The following SPECC1L variants were observed in gnomAD, a reference collection of about 807,000 sequenced individuals.
SPECC1L encodes the protein sperm antigen with calponin homology and coiled-coil domains 1 like.
Under a neutral mutation model 116.8 loss-of-function variants are expected in SPECC1L, and 40 were observed. The observed-to-expected ratio is 0.34, with a 90% confidence interval of 0.27 to 0.45. SPECC1L has a LOEUF of 0.45. Among genes scored for constraint, SPECC1L ranks in the 20% least tolerant of loss-of-function variants. The probability of loss-of-function intolerance (pLI) is 1.00; values close to 1 mark genes in which losing one functional copy is unlikely to be tolerated. For synonymous variants in SPECC1L, 504 were observed against 500.6 expected (o/e 1.01, Z -0.09); for missense variants, 1,110 against 1,373.6 (o/e 0.81, Z 3.03).
At chr22:24,312,122 C>T (rs1291987161) in intron 3 of SPECC1L, among the ~76,000 whole-genome samples, 12 of 152,124 alleles carry the variant, frequency 7.9e-5, no homozygotes, top group Admixed American at 5.9e-4. Context: ...GCATGTGCCA[C>T]TTTGCCCAGG....
chr22:24,366,468 C>T (rs956155390), intron 13 of SPECC1L, among the ~76,000 whole-genome samples: 4 of 152,178 alleles, frequency 2.6e-5, no homozygotes, highest in East Asian at 1.9e-4. Flanking sequence ...GCTGGGATTA[C>T]AGGTGTGAGC....
chr22:24,404,093 C>T (rs2042534960), intron 14 of SPECC1L, among the ~76,000 whole-genome samples: 1 of 152,198 alleles, frequency 6.6e-6, no homozygotes, highest in Non-Finnish European at 1.5e-5. Context: ...GCTGCATTGA[C>T]CACTCTGTCC....
intron 3 of SPECC1L, among the ~76,000 whole-genome samples, chr22:24,309,695 G>A (rs7291875): frequency 6.6e-6 from 1 of 152,110 alleles, no homozygotes; most frequent in Non-Finnish European, 1.5e-5. Context: ...CACTGCAACC[G>A]GCCTGAAGTT....
At chr22:24,392,872 T>G (rs956441154) in intron 14 of SPECC1L, among the ~76,000 whole-genome samples, 2 of 152,224 alleles carry the variant, frequency 1.3e-5, no homozygotes, top group African/African-American at 4.8e-5. Flanking sequence ...GCTCCCTCCC[T>G]TACAGGTCTG....
intron 3 of SPECC1L, among the ~76,000 whole-genome samples, chr22:24,307,245 A>G (rs1427502457): frequency 1.3e-5 from 2 of 152,222 alleles, no homozygotes; most frequent in African/African-American, 4.8e-5. Context: ...TCTCGCTGCT[A>G]GCAGCTACAC....
At chr22:24,360,169 C>G (rs992966454) in intron 11 of SPECC1L, among the ~76,000 whole-genome samples, 2 of 152,220 alleles carry the variant, frequency 1.3e-5, no homozygotes, top group Non-Finnish European at 2.9e-5. Flanking sequence ...CTGCTACACT[C>G]AATTGTAATA....
intron 3 of SPECC1L, among the ~76,000 whole-genome samples, chr22:24,312,218 C>G (rs1034230302): frequency 6.6e-6 from 1 of 152,148 alleles, no homozygotes; most frequent in African/African-American, 2.4e-5. Context: ...AGTGATCCAC[C>G]TCGGCCTCCC....
chr22:24,322,346 T>TTGGAACACTTTAGTCGACAGATCTAG lies in SPECC1L; in HGVS notation c.1388_1389insCTAGTGGAACACTTTAGTCGACAGAT (p.Glu464Ter). The TTGGAACACTTTAGTCGACAGATCTAG allele has an allele frequency of 1.2e-6, 2 of 1,614,180 alleles. No homozygotes were observed. The highest frequency in any genetic ancestry group is 1.7e-6 in the Non-Finnish European group (2 of 1,180,042). ...GTCTTTATGTCAGCAGAGCGATAAG[T>TTGGAACACTTTAGTCGACAGATCTAG]TGGAACACTTTAGTCGACAGATTGA... is the stretch of plus-strand genomic sequence containing the variant. On this transcript the variant is annotated stop_gained and frameshift_variant, in exon 5 of 17. Coordinates refer to ENST00000314328, the MANE Select transcript of SPECC1L (RefSeq NM_015330.6). LOFTEE classifies it high-confidence loss of function.
chr22:24,298,827 C>T (rs572353307), intron 2 of SPECC1L, among the ~76,000 whole-genome samples: 2 of 152,294 alleles, frequency 1.3e-5, no homozygotes, highest in South Asian at 4.1e-4. Flanking sequence ...CTGAATAAAA[C>T]GTTAATTTCA....
rs1226285948 is a variant in SPECC1L at position 24,354,183 on chromosome 22, CTA to C, written c.2743+7008_2743+7009del. Among the ~76,000 whole-genome samples the C allele has an allele frequency of 2.0e-5, 3 of 152,106 alleles. No individual in the cohort carries two copies. In the East Asian group the frequency reaches 5.8e-4, roughly 29 times the overall value. On this transcript the variant is annotated intron_variant, in intron 11 of 16. Transcript: ENST00000314328. ...TCTGCTCCTATGACCCGGGTACCTC[CTA>C]CCAGGCCCACCTCCAACACTGGGGC...
chr22:24,383,832 T>TTTTA (rs2042110807), intron 14 of SPECC1L, among the ~76,000 whole-genome samples: 1 of 104,376 alleles, frequency 9.6e-6, no homozygotes, highest in African/African-American at 3.7e-5. Flanking sequence ...TTTTTTTTTT[T>TTTTA]AGTAGAGATG....
At chr22:24,397,030 TAA>T (rs991368593) in intron 14 of SPECC1L, among the ~76,000 whole-genome samples, 2 of 152,180 alleles carry the variant, frequency 1.3e-5, no homozygotes, top group African/African-American at 4.8e-5. Flanking sequence ...TGGTCCAAAG[TAA>T]AGTGTTTTAT....
In SPECC1L at chr22:24,302,309, T is replaced by G; in HGVS notation, c.78T>G (p.Ile26Met). ...GTAAAACGCAAACAGCAGAAAAAAT[T>G]AAACCTGAAAACAGCTCTTCAGCAT... ...AISKTQTAEK[I>M]KPENSSSAST... The change falls in exon 3 of 17, where the codon ATT becomes ATG. Residue 26 changes from isoleucine to methionine, a missense_variant. By Grantham distance (10) the Ile-to-Met change is conservative. This residue lies in a region of SPECC1L where 437 missense variants were observed against 482.6 expected (regional missense o/e 0.91). Transcript: ENST00000314328. The G allele has an allele frequency of 4.3e-6, 7 of 1,614,144 alleles. No homozygotes were observed. Among genetic ancestry groups the G allele is most frequent in the Non-Finnish European group, 5.9e-6 (7 of 1,180,016 alleles).
intron 10 of SPECC1L, 143 bp downstream of exon 10, chr22:24,338,620 C>T: frequency 1.5e-6 from 1 of 645,958 alleles, no homozygotes. Flanking sequence ...TCCTAAAATA[C>T]TATAAATATC....
At chr22:24,381,095 TGGA>T (rs1190489726) in intron 14 of SPECC1L, among the ~76,000 whole-genome samples, 1 of 152,182 alleles carries the variant, frequency 6.6e-6, no homozygotes, top group African/African-American at 2.4e-5. Flanking sequence ...AATAACCAAC[TGGA>T]ATAGGGAAAG....
At chr22:24,300,356 C>T (rs2049353055) in intron 2 of SPECC1L, among the ~76,000 whole-genome samples, 1 of 152,198 alleles carries the variant, frequency 6.6e-6, no homozygotes, top group Admixed American at 6.5e-5. Context: ...ATATGTACCA[C>T]ATTTTCTTCA....
intron 14 of SPECC1L, among the ~76,000 whole-genome samples, chr22:24,382,704 CAAAAAAAAAAAAA>C (rs34174849): frequency 2.0e-4 from 12 of 59,658 alleles, no homozygotes; most frequent in Non-Finnish European, 2.8e-4. Flanking sequence ...GACTCCATCT[CAAAAAAAAAAAAA>C]AAAAAAAAAG....
intron 3 of SPECC1L, among the ~76,000 whole-genome samples, chr22:24,307,374 T>A (rs2146422765): frequency 6.6e-6 from 1 of 152,314 alleles, no homozygotes; most frequent in African/African-American, 2.4e-5. Context: ...TTGCACTGAT[T>A]TGTGGTTCTT....
At chr22:24,290,013 C>T (rs1465866994) in intron 2 of SPECC1L, among the ~76,000 whole-genome samples, 1 of 152,184 alleles carries the variant, frequency 6.6e-6, no homozygotes, top group Non-Finnish European at 1.5e-5. Flanking sequence ...TCCTACTCAG[C>T]TTTTTATTCC....
Sources: allele counts gnomAD v4.1 joint callset (sites outside exome capture counted in the v4.1 genomes callset), GRCh38; gene constraint gnomAD v4.1.1; regional missense constraint gnomAD v4.1.1; transcripts MANE v1.5; gene names NCBI Gene and HGNC (gene_info 2026-07-23, HGNC 2026-07-21).